Variants in ZSCAN30 observed in about 807,000 individuals in gnomAD.
ZSCAN30 encodes zinc finger and SCAN domain-containing protein 30.
A neutral mutation model predicts 44.3 loss-of-function variants in ZSCAN30; 37 were observed. The observed-to-expected ratio is 0.84, with a 90% CI of 0.64 to 1.10. The LOEUF is 1.10. Ranked by LOEUF, ZSCAN30 falls within the 50% of genes least tolerant of loss-of-function variation. ZSCAN30 has a pLI of 0.00. For missense variants in ZSCAN30, 549 were observed against 582.6 expected (o/e 0.94, Z 0.59); for synonymous variants, 181 against 204.6 (o/e 0.88, Z 0.98).
At chr18:35,270,973 TTTGTTCCTTCCTCCCGTCCGGAG>T (rs1396928733) in intron 1 of ZSCAN30, among the ~76,000 whole-genome samples, 1 of 152,074 alleles carries the variant, frequency 6.6e-6, no homozygotes, top group Non-Finnish European at 1.5e-5. Context: ...GCATCTGGAG[TTTGTTCCTTCCTCCCGTCCGGAG>T]TTGTTCATTC....
At chr18:35,258,745 C>CTGTA (rs1421844854) in intron 3 of ZSCAN30, 13 of 152,050 alleles carry the variant, frequency 8.5e-5, no homozygotes, top group Admixed American at 7.9e-4. Context: ...TGGCGGGTGC[C>CTGTA]TGTAGTCCCA....
chr18:35,265,788 A>G (rs1358897843), intron 1 of ZSCAN30, among the ~76,000 whole-genome samples: 1 of 152,224 alleles, frequency 6.6e-6, no homozygotes, highest in Admixed American at 6.5e-5. Context: ...CTCTTAGTTT[A>G]TTATGGGAAA....
At chr18:35,255,326 C>G (rs578248900) in intron 3 of ZSCAN30, among the ~76,000 whole-genome samples, 2 of 151,688 alleles carry the variant, frequency 1.3e-5, no homozygotes, top group East Asian at 4.0e-4. Context: ...CTAGAGATTT[C>G]TAGTAACTAG....
Position 35,253,516 on chromosome 18 carries a change from T to G in ZSCAN30, c.1419A>C (p.Glu473Asp). The change falls in exon 4 of 4, where the codon GAA becomes GAC. Residue 473 changes from glutamate (E) to aspartate (D), a missense_variant. Coordinates refer to ENST00000333206, the MANE Select transcript of ZSCAN30 (RefSeq NM_001112734.4). ...ACCTATGCCTAAATGTTTTTCTACATTCACTACATTCATAAGGCTTCTCTC... is the reference window on the plus strand; with the variant it reads ...ACCTATGCCTAAATGTTTTTCTACAGTCACTACATTCATAAGGCTTCTCTC... ...HTGEKPYECS[E>D]CRKTFRHRSG... is the part of the protein sequence containing the mutation. The G allele has an allele frequency of 6.2e-7, 1 of 1,612,332 alleles. No individual in the cohort carries two copies. The highest frequency in any genetic ancestry group is 8.5e-7 in the Non-Finnish European group (1 of 1,178,608).
intron 1 of ZSCAN30, chr18:35,267,276 G>A (rs553206233): frequency 2.8e-5 from 1 of 35,216 alleles, no homozygotes; most frequent in South Asian, 5.1e-4. Context: ...GGAGTCAGCT[G>A]ACCAAAAAGG....
At chr18:35,258,630 G>C (rs2043923551) in intron 3 of ZSCAN30, 1 of 152,504 alleles carries the variant, frequency 6.6e-6, no homozygotes, top group African/African-American at 2.4e-5. Context: ...CCAGCACTTT[G>C]GGAGGCCGAG....
intron 1 of ZSCAN30, among the ~76,000 whole-genome samples, chr18:35,274,016 A>G (rs1250902793): frequency 1.3e-5 from 2 of 151,950 alleles, no homozygotes; most frequent in Non-Finnish European, 2.9e-5. Flanking sequence ...ATTTGAAGGT[A>G]CTCCTCTTCT....
At chr18:35,286,130 T>C (rs967075435) in intron 1 of ZSCAN30, among the ~76,000 whole-genome samples, 4 of 152,164 alleles carry the variant, frequency 2.6e-5, no homozygotes, top group South Asian at 4.1e-4. Context: ...AAGCTTACCC[T>C]ATAAGAAATA....
chr18:35,285,802 GA>G (rs967104087), intron 1 of ZSCAN30, among the ~76,000 whole-genome samples: 33 of 142,138 alleles, frequency 2.3e-4, no homozygotes, highest in Admixed American at 1.4e-3. Flanking sequence ...AAAGTAACCA[GA>G]AAAAAAAAAG....
At chr18:35,277,030 G>A (rs969328255) in intron 1 of ZSCAN30, among the ~76,000 whole-genome samples, 1 of 152,202 alleles carries the variant, frequency 6.6e-6, no homozygotes, top group African/African-American at 2.4e-5. Context: ...TGTGAGACAT[G>A]AAGTCAAAGG....
At chr18:35,271,680 G>A (rs2044279539) in intron 1 of ZSCAN30, among the ~76,000 whole-genome samples, 1 of 152,244 alleles carries the variant, frequency 6.6e-6, no homozygotes, top group South Asian at 2.1e-4. Flanking sequence ...GCAGTCGATC[G>A]GACCGGGCAC....
chr18:35,266,657 ATTTTTTTTTTTTTTTT>A (rs34611791), intron 1 of ZSCAN30: 2 of 78,612 alleles, frequency 2.5e-5, no homozygotes, highest in African/African-American at 5.2e-5. Context: ...ATTTCTCCTA[ATTTTTTTTTTTTTTTT>A]TTTTTTTTTT....
At chr18:35,272,797 T>G (rs1178898063) in intron 1 of ZSCAN30, among the ~76,000 whole-genome samples, 1 of 152,242 alleles carries the variant, frequency 6.6e-6, no homozygotes, top group African/African-American at 2.4e-5. Flanking sequence ...GAGATTTAAC[T>G]GGACTTACAG....
At chr18:35,283,527 G>A (rs776474976) in intron 1 of ZSCAN30, 1 of 152,378 alleles carries the variant, frequency 6.6e-6, no homozygotes, top group Non-Finnish European at 1.5e-5. Context: ...GGTGAGCCAG[G>A]CGTGAAGTAG....
chr18:35,253,749 G>A lies in ZSCAN30; in HGVS notation c.1186C>T (p.Arg396Trp), dbSNP rs146290259. 1.1e-3 allele frequency: 1,800 copies of A among 1,614,058 alleles called. 1 individual carries two copies. The highest frequency in any genetic ancestry group is 1.4e-3 in the Non-Finnish European group (1,637 of 1,180,014). Residue 396 changes from arginine (R) to tryptophan (W), a missense_variant, in exon 4 of 4, where the codon CGG becomes TGG. Coordinates refer to ENST00000333206, the MANE Select transcript of ZSCAN30 (RefSeq NM_001112734.4). ...ECGECGKAFS[R>W]SSALIQHKKI... Reference sequence around the variant, plus strand: ...TTATGCTGAATAAGGGCTGAGCTCCGGCTGAAGGCCTTCCCACATTCTCCA... The same window carrying A: ...TTATGCTGAATAAGGGCTGAGCTCCAGCTGAAGGCCTTCCCACATTCTCCA...
At chr18:35,271,087 A>G (rs2044263180) in intron 1 of ZSCAN30, among the ~76,000 whole-genome samples, 2 of 152,202 alleles carry the variant, frequency 1.3e-5, no homozygotes, top group Non-Finnish European at 2.9e-5. Flanking sequence ...TCATAAAGGC[A>G]GTGCAGACCC....
intron 3 of ZSCAN30, among the ~76,000 whole-genome samples, chr18:35,259,950 C>T (rs1569068089): frequency 6.6e-6 from 1 of 152,206 alleles, no homozygotes; most frequent in South Asian, 2.1e-4. Context: ...TGGTTTGCTG[C>T]ACCTATCAAC....
At chr18:35,280,327 T>C (rs1171621569) in intron 1 of ZSCAN30, among the ~76,000 whole-genome samples, 1 of 148,672 alleles carries the variant, frequency 6.7e-6, no homozygotes, top group African/African-American at 2.5e-5. Context: ...AACCACCATT[T>C]ATAAAAAGAG....
At chr18:35,261,338 CTT>C (rs897266602) in intron 3 of ZSCAN30, 1 of 151,866 alleles carries the variant, frequency 6.6e-6, no homozygotes, top group African/African-American at 2.4e-5. Flanking sequence ...TATAAGGGCT[CTT>C]TTTTTTGTAC....
Sources: allele counts gnomAD v4.1 joint callset (sites outside exome capture counted in the v4.1 genomes callset), GRCh38; gene constraint gnomAD v4.1.1; transcripts MANE v1.5; gene names NCBI Gene and HGNC (gene_info 2026-07-23, HGNC 2026-07-21).